DPH6: variants seen among roughly 807,000 people sequenced by gnomAD.
DPH6 encodes the protein diphthamine biosynthesis 6, also known as diphthine--ammonia ligase.
A neutral mutation model predicts 38.2 loss-of-function variants in DPH6; 33 were observed. That is an observed-to-expected ratio of 0.86 (90% confidence interval 0.65 to 1.15). DPH6 has a LOEUF of 1.15. Among genes scored for constraint, DPH6 ranks in the 50% most tolerant of loss-of-function variants. DPH6 has a pLI of 0.00. For synonymous variants in DPH6, 108 were observed against 103.0 expected (o/e 1.05, Z -0.30); for missense variants, 325 against 320.0 (o/e 1.02, Z -0.12).
chr15:35,227,685 G>A (rs2051491962), intron 3 of DPH6, among the ~76,000 whole-genome samples: 1 of 150,616 alleles, frequency 6.6e-6, no homozygotes, highest in Admixed American at 6.6e-5. Flanking sequence ...GGTTTGCTCT[G>A]GCTTTTCTAG....
intron 6 of DPH6, chr15:35,400,715 G>T: frequency 1.4e-6 from 1 of 702,472 alleles, no homozygotes; most frequent in Middle Eastern, 4.1e-4. Context: ...GTCTCCAAAA[G>T]GGCCTGAACA....
At chr15:35,359,933 GTCTA>G (rs2052599611) in intron 3 of DPH6, among the ~76,000 whole-genome samples, 1 of 151,832 alleles carries the variant, frequency 6.6e-6, no homozygotes, top group African/African-American at 2.4e-5. Flanking sequence ...TTCAGTAGTT[GTCTA>G]TCTTTGTCCT....
At chr15:35,181,480 TAA>T in the DPH6 span, among the ~76,000 whole-genome samples, 8 of 133,944 alleles carry the variant, frequency 6.0e-5, no homozygotes, top group East Asian at 5.8e-4. Context: ...TGCTTTTTAG[TAA>T]AAAAAAAAAA....
intron 3 of DPH6, among the ~76,000 whole-genome samples, chr15:35,456,171 C>T (rs2141093202): frequency 6.6e-6 from 1 of 152,146 alleles, no homozygotes; most frequent in South Asian, 2.1e-4. Context: ...TTTCCCTAAC[C>T]TTCCTAGCCA....
At chr15:35,156,634 G>A in the DPH6 span, among the ~76,000 whole-genome samples, 2 of 152,120 alleles carry the variant, frequency 1.3e-5, no homozygotes, top group Non-Finnish European at 2.9e-5. Flanking sequence ...CTGGCTGTCT[G>A]AGAAAGACTC....
chr15:35,204,432 G>A, the DPH6 span, among the ~76,000 whole-genome samples: 56 of 151,780 alleles, frequency 3.7e-4, no homozygotes, highest in African/African-American at 1.2e-3. Flanking sequence ...AAGAAAATTT[G>A]CTTTCATCCA....
At chr15:35,352,627 T>A (rs2052525137) in intron 3 of DPH6, among the ~76,000 whole-genome samples, 1 of 152,238 alleles carries the variant, frequency 6.6e-6, no homozygotes, top group Admixed American at 6.5e-5. Flanking sequence ...TTTTTATGGC[T>A]GCATAGTATT....
chr15:35,148,045 A>C, the DPH6 span, among the ~76,000 whole-genome samples: 1 of 152,340 alleles, frequency 6.6e-6, no homozygotes, highest in African/African-American at 2.4e-5. Context: ...CCAACATTTC[A>C]GTGATCTATA....
chr15:35,241,657 C>T lies in DPH6; in HGVS notation n.201-21075G>A, dbSNP rs1330274263. 1.2e-4 allele frequency among the ~76,000 whole-genome samples: 17 copies of T among 142,024 alleles called. 3 individuals carry two copies. The highest frequency in any genetic ancestry group is 4.3e-4 in the African/African-American group (17 of 39,172). 93.2% of individuals were successfully genotyped at this position (142,024 alleles called of 152,430 possible). A position where few individuals can be genotyped will look rare whatever the true frequency, so the allele number is the denominator to read the frequency against. On this transcript the variant is annotated intron_variant and non_coding_transcript_variant, in intron 3 of 3. Transcript: ENST00000560386. Reference sequence around the variant, plus strand: ...GCGTCCTCCTCTTGTATTCCCCCACCTTAACCCACAAGTATAAGATACCTC... The same window carrying T: ...GCGTCCTCCTCTTGTATTCCCCCACTTTAACCCACAAGTATAAGATACCTC...
At chr15:35,418,409 T>C (rs1278396564) in intron 5 of DPH6, among the ~76,000 whole-genome samples, 1 of 151,956 alleles carries the variant, frequency 6.6e-6, no homozygotes, top group Non-Finnish European at 1.5e-5. Context: ...GCAGAAAAAA[T>C]TTACTGTAAA....
At chr15:35,385,131 A>G (rs1290223106) in intron 6 of DPH6, among the ~76,000 whole-genome samples, 13 of 152,184 alleles carry the variant, frequency 8.5e-5, no homozygotes. Context: ...GATGCTGGAG[A>G]GGATGTGGAA....
chr15:35,265,262 G>A (rs2051776149), intron 3 of DPH6, among the ~76,000 whole-genome samples: 1 of 152,134 alleles, frequency 6.6e-6, no homozygotes, highest in Non-Finnish European at 1.5e-5. Flanking sequence ...CAGTATAAGT[G>A]TAAGAAACCA....
At chr15:35,227,753 G>T (rs2051492357) in intron 3 of DPH6, among the ~76,000 whole-genome samples, 1 of 150,928 alleles carries the variant, frequency 6.6e-6, no homozygotes, top group Non-Finnish European at 1.5e-5. Flanking sequence ...TTTGATGTAG[G>T]CATTTATAGA....
intron 3 of DPH6, among the ~76,000 whole-genome samples, chr15:35,315,461 G>A (rs1403662708): frequency 1.3e-5 from 2 of 152,152 alleles, no homozygotes; most frequent in African/African-American, 2.4e-5. Context: ...TTCATAGTCC[G>A]CAACTGCAGT....
the DPH6 span, among the ~76,000 whole-genome samples, chr15:35,177,032 T>C: frequency 6.6e-6 from 1 of 152,204 alleles, no homozygotes; most frequent in Non-Finnish European, 1.5e-5. Flanking sequence ...ATTGTATTTG[T>C]ATTTGCCAAT....
chr15:35,156,463 T>A, the DPH6 span, among the ~76,000 whole-genome samples: 1 of 152,172 alleles, frequency 6.6e-6, no homozygotes, highest in East Asian at 1.9e-4. Context: ...TTCAACACTT[T>A]CAACACTTTA....
chr15:35,265,202 AATT>A (rs1376336443), intron 3 of DPH6, among the ~76,000 whole-genome samples: 1 of 152,180 alleles, frequency 6.6e-6, no homozygotes, highest in African/African-American at 2.4e-5. Flanking sequence ...ATATAATAAG[AATT>A]AAAAAAGATA....
intron 3 of DPH6, among the ~76,000 whole-genome samples, chr15:35,497,099 GTTTA>G (rs1478537387): frequency 6.6e-6 from 1 of 152,008 alleles, no homozygotes. Flanking sequence ...GTTTTAGATA[GTTTA>G]TTTGATTAAT....
chr15:35,523,293 G>T (rs1339193368), intron 3 of DPH6, among the ~76,000 whole-genome samples: 1 of 118,864 alleles, frequency 8.4e-6, no homozygotes, highest in African/African-American at 3.3e-5. Context: ...TGAAATGCCT[G>T]TTCATATCCT....
Sources: allele counts gnomAD v4.1 joint callset (sites outside exome capture counted in the v4.1 genomes callset), GRCh38; gene constraint gnomAD v4.1.1; transcripts MANE v1.5; gene names NCBI Gene and HGNC (gene_info 2026-07-23, HGNC 2026-07-21).